VWF: variants seen among roughly 807,000 people sequenced by gnomAD.
The protein encoded by VWF is von Willebrand factor.
In VWF, 176 loss-of-function variants were observed where a neutral mutation model predicts 308.6. That is an observed-to-expected ratio of 0.57 (90% CI 0.50 to 0.65). The LOEUF is 0.65. Among genes scored for constraint, VWF ranks in the 30% least tolerant of loss-of-function variants. VWF has a pLI of 0.00. For synonymous variants in VWF, 1,385 were observed against 1,443.4 expected, an observed-to-expected ratio of 0.96 and a Z score of 0.92; for missense variants, 3,146 against 3,648.2, an observed-to-expected ratio of 0.86 and a Z score of 3.55.
chr12:6,003,435 T>A (rs1287898517), intron 34 of VWF, among the ~76,000 whole-genome samples: 1 of 150,196 alleles, frequency 6.7e-6, no homozygotes, highest in Non-Finnish European at 1.5e-5. Context: ...TTAAATGTAA[T>A]CCCCATGGTA....
intron 47 of VWF, among the ~76,000 whole-genome samples, chr12:5,956,544 G>C (rs1291823330): frequency 6.6e-6 from 1 of 151,882 alleles, no homozygotes; most frequent in Non-Finnish European, 1.5e-5. Context: ...TTGGGAGGCT[G>C]AGGCAGGAGG....
At chr12:6,050,689 G>T (rs1420488425) in intron 16 of VWF, among the ~76,000 whole-genome samples, 2 of 152,216 alleles carry the variant, frequency 1.3e-5, no homozygotes, top group Non-Finnish European at 2.9e-5. Context: ...GCTGGGCGTG[G>T]TGGCTCATGC....
chr12:6,018,559 G>T lies in VWF; in HGVS notation c.4859C>A (p.Pro1620His), dbSNP rs1254310454. The change falls in exon 28 of 52, where the codon CCT (proline) becomes CAT (histidine). Residue 1620 changes from proline to histidine, a missense_variant. Around this residue, in one of 3 missense-constraint regions of VWF, gnomAD observed 853 missense variants for 1,177.8 expected, o/e 0.72. Transcript: ENST00000261405. ...NPASDEIKRL[P>H]GDIQVVPIGV... is the part of the protein sequence containing the mutation. ...AATGGGCACCACCTGGATGTCTCCA[G>T]GCAGCCTCTTGATCTCATCAGAGGC... The T allele has an allele frequency of 5.0e-6, 8 of 1,613,888 alleles. No homozygotes were observed. In the Admixed American group the frequency reaches 1.3e-4, roughly 27 times the overall value.
At chr12:5,967,051 G>A (rs571691876) in intron 47 of VWF, among the ~76,000 whole-genome samples, 16 of 152,306 alleles carry the variant, frequency 1.1e-4, no homozygotes, top group African/African-American at 3.4e-4. Context: ...CAAATGTCCC[G>A]CAATAATAGC....
intron 47 of VWF, among the ~76,000 whole-genome samples, chr12:5,956,828 T>C (rs1451872448): frequency 6.6e-6 from 1 of 152,176 alleles, no homozygotes; most frequent in Admixed American, 6.5e-5. Flanking sequence ...AAAGTTACAG[T>C]GAGCTAAAGT....
chr12:6,088,259 A>T (rs1238174932), intron 6 of VWF, among the ~76,000 whole-genome samples: 1 of 151,862 alleles, frequency 6.6e-6, no homozygotes, highest in Non-Finnish European at 1.5e-5. Flanking sequence ...CGGGCAGATC[A>T]TGAGATCAGG....
intron 43 of VWF, among the ~76,000 whole-genome samples, chr12:5,975,803 G>A (rs1455716577): frequency 6.6e-6 from 1 of 152,168 alleles, no homozygotes; most frequent in African/African-American, 2.4e-5. Flanking sequence ...GCCAAGGACT[G>A]AACTGCAGAA....
chr12:5,985,595 T>C lies in VWF; in HGVS notation c.6869A>G (p.Asn2290Ser). Residue 2290 changes from asparagine to serine, a missense_variant, in exon 39 of 52, where the codon AAC becomes AGC. Physicochemically the swap from Asn to Ser is conservative, Grantham distance 46. Around this residue, in one of 3 missense-constraint regions of VWF, gnomAD observed 989 missense variants for 1,117.4 expected, o/e 0.89. Transcript: ENST00000261405. Reference protein sequence around the residue: ...ICTCLSGRKVNCTTQPCPTAK... With the variant: ...ICTCLSGRKVSCTTQPCPTAK... ...CGTGGGGCAGGGCTGCGTTGTGCAGTTGACCTTCCGCCCGCTGAGGCATGT... is the reference window on the plus strand; with the variant it reads ...CGTGGGGCAGGGCTGCGTTGTGCAGCTGACCTTCCGCCCGCTGAGGCATGT... 4 of 1,614,116 alleles carry C rather than the reference T, an allele frequency of 2.5e-6. No homozygotes were observed. The highest frequency in any genetic ancestry group is 3.4e-6 in the Non-Finnish European group (4 of 1,180,034).
At position 5,971,578 on chromosome 12, in the gene VWF, G is replaced by A. The variant is rs188462557; in HGVS notation, c.7548+21C>T. The A allele has an allele frequency of 1.4e-4, 226 of 1,606,028 alleles. 1 individual carries two copies. The highest frequency in any genetic ancestry group is 1.8e-4 in the Admixed American group (11 of 60,024). ...GTGGCCCCAATCTGCCCTCCTCCCC[G>A]TCCCGGGGGCCTGGACCTACACTCT... is the stretch of plus-strand genomic sequence containing the variant. On this transcript the variant is annotated intron_variant, in intron 44 of 51. Transcript: ENST00000261405.
chr12:6,077,685 C>G (rs1010078187), intron 6 of VWF, among the ~76,000 whole-genome samples: 1 of 152,200 alleles, frequency 6.6e-6, no homozygotes, highest in Admixed American at 6.5e-5. Flanking sequence ...ACCACGTAGG[C>G]CAGCCATGAA....
At chr12:6,084,265 T>C (rs879869731) in intron 6 of VWF, among the ~76,000 whole-genome samples, 1 of 152,238 alleles carries the variant, frequency 6.6e-6, no homozygotes, top group Non-Finnish European at 1.5e-5. Flanking sequence ...TAAACCATTC[T>C]GGCAGGGATG....
At position 5,991,900 on chromosome 12, in the gene VWF, T is replaced by C; in HGVS notation, c.6717A>G (p.Pro2239=). ...AGCTGCCTTCCAACATGACTTTATCTGGAGGGCAGAAACAGCCTTCGGAGG... is the reference window on the plus strand; with the variant it reads ...AGCTGCCTTCCAACATGACTTTATCCGGAGGGCAGAAACAGCCTTCGGAGG... The part of the protein sequence containing the change: ...DHPSEGCFCP[P]DKVMLEGSCV... The change falls in exon 38 of 52, where the codon CCA becomes CCG. Residue 2239 remains proline, a synonymous_variant. Coordinates refer to ENST00000261405, the MANE Select transcript of VWF (RefSeq NM_000552.5). 1 of 1,614,242 alleles carries C rather than the reference T, an allele frequency of 6.2e-7. No homozygotes were observed. The highest frequency in any genetic ancestry group is 8.5e-7 in the Non-Finnish European group (1 of 1,180,050).
At chr12:6,109,681 C>T (rs1184047828) in intron 5 of VWF, among the ~76,000 whole-genome samples, 1 of 152,008 alleles carries the variant, frequency 6.6e-6, no homozygotes, top group African/African-American at 2.4e-5. Flanking sequence ...GACGGAGTCT[C>T]GCTCTGTCGC....
intron 5 of VWF, among the ~76,000 whole-genome samples, chr12:6,109,907 C>T (rs1226103906): frequency 2.0e-5 from 3 of 152,210 alleles, no homozygotes; most frequent in African/African-American, 7.2e-5. Context: ...GCCTCGGCCT[C>T]CCAAAATGCT....
At chr12:6,051,425 G>A (rs1033380736) in intron 16 of VWF, among the ~76,000 whole-genome samples, 3 of 151,768 alleles carry the variant, frequency 2.0e-5, no homozygotes, top group African/African-American at 7.3e-5. Context: ...CCAAATAGCT[G>A]GGACTACAGG....
At chr12:6,076,682 A>G (rs1226276479) in intron 6 of VWF, among the ~76,000 whole-genome samples, 3 of 151,210 alleles carry the variant, frequency 2.0e-5, no homozygotes, top group Admixed American at 2.0e-4. Flanking sequence ...AACTGGAGCC[A>G]GTTGGTATTT....
intron 18 of VWF, among the ~76,000 whole-genome samples, chr12:6,037,015 T>C (rs946410494): frequency 1.3e-5 from 2 of 152,166 alleles, no homozygotes; most frequent in African/African-American, 4.8e-5. Flanking sequence ...TATCCTATGG[T>C]GCTATTACAA....
Position 6,092,614 on chromosome 12 carries a change from T to TGAGAGAGAGAGAGAGAGAGAGAGAGA in VWF, c.657+2845_657+2846insTCTCTCTCTCTCTCTCTCTCTCTCTC, listed in dbSNP as rs1555073700. 2.1e-3 allele frequency among the ~76,000 whole-genome samples: 185 copies of TGAGAGAGAGAGAGAGAGAGAGAGAGA among 86,060 alleles called. 11 individuals carry two copies. Among genetic ancestry groups the TGAGAGAGAGAGAGAGAGAGAGAGAGA allele is most frequent in the African/African-American group, 9.9e-3 (171 of 17,238 alleles). The allele number at this position is 86,060 out of a possible 152,430, so 56.5% of individuals were successfully genotyped here. A position where few individuals can be genotyped will look rare whatever the true frequency, so the allele number is the denominator to read the frequency against. On this transcript the variant is annotated intron_variant, in intron 6 of 51. Coordinates refer to ENST00000261405, the MANE Select transcript of VWF (RefSeq NM_000552.5). ...CATGCCCAGCTAGTTAGTGAGTGAG[T>TGAGAGAGAGAGAGAGAGAGAGAGAGA]GAGAGTGTGTGTGTGTGTGTGTGTG... is the stretch of plus-strand genomic sequence containing the variant.
chr12:6,023,258 C>T (rs1306502532), intron 25 of VWF, among the ~76,000 whole-genome samples: 1 of 151,954 alleles, frequency 6.6e-6, no homozygotes, highest in Admixed American at 6.6e-5. Context: ...TGCTTCTGTC[C>T]AAAGAAGCAA....
Sources: allele counts gnomAD v4.1 joint callset (sites outside exome capture counted in the v4.1 genomes callset), GRCh38; gene constraint gnomAD v4.1.1; regional missense constraint gnomAD v4.1.1; transcripts MANE v1.5; gene names NCBI Gene and HGNC (gene_info 2026-07-23, HGNC 2026-07-21).